The following MYO1E variants were observed in gnomAD, a reference collection of about 807,000 sequenced individuals.
The protein encoded by MYO1E is myosin IE, also known as unconventional myosin-Ie.
Under a neutral mutation model 151.1 loss-of-function variants are expected in MYO1E, and 68 were observed. The observed-to-expected ratio is 0.45, with a 90% confidence interval of 0.37 to 0.55. MYO1E has a LOEUF of 0.55. Among genes scored for constraint, MYO1E ranks in the 20% least tolerant of loss-of-function variants. The pLI, the probability that MYO1E is intolerant of heterozygous loss-of-function variation, is 0.00. For synonymous variants in MYO1E, 601 were observed against 501.7 expected (o/e 1.20, Z -2.64); for missense variants, 1,363 against 1,389.3 (o/e 0.98, Z 0.30).
chr15:59,296,379 AT>A (rs1291439510), intron 1 of MYO1E, among the ~76,000 whole-genome samples: 5 of 152,224 alleles, frequency 3.3e-5, no homozygotes, highest in Non-Finnish European at 5.9e-5. Context: ...TGTGTGCAAC[AT>A]TACAAACCAA....
chr15:59,285,165 C>G lies in MYO1E; in HGVS notation c.4-12716G>C, dbSNP rs140700365. 7.4e-4 allele frequency among the ~76,000 whole-genome samples: 113 copies of G among 152,286 alleles called. 1 individual carries two copies. The highest frequency in any genetic ancestry group is 3.4e-3 in the Middle Eastern group (1 of 294). ...AAATCAACAGACTTGGGTACAAGCT[C>G]TACCTCTCACATGCCTCTGTGCCTT... On this transcript the variant is annotated intron_variant, in intron 1 of 27. Transcript: ENST00000288235.
chr15:59,146,312 T>C (rs1414927267), intron 26 of MYO1E, among the ~76,000 whole-genome samples: 3 of 151,044 alleles, frequency 2.0e-5, no homozygotes, highest in Non-Finnish European at 4.4e-5. Flanking sequence ...AATGGTTGTT[T>C]TTTGTTTTGT....
At chr15:59,148,932 C>T (rs936289292) in intron 26 of MYO1E, among the ~76,000 whole-genome samples, 19 of 151,922 alleles carry the variant, frequency 1.3e-4, no homozygotes, top group African/African-American at 4.1e-4. Flanking sequence ...GGTTTTAATG[C>T]TTCCAAGAAT....
intron 2 of MYO1E, among the ~76,000 whole-genome samples, chr15:59,266,340 G>C (rs1361500516): frequency 6.6e-6 from 1 of 152,088 alleles, no homozygotes; most frequent in Non-Finnish European, 1.5e-5. Flanking sequence ...ATAAAGATAT[G>C]AAGCTATGAT....
At chr15:59,286,265 A>G (rs1017215554) in intron 1 of MYO1E, among the ~76,000 whole-genome samples, 47 of 152,244 alleles carry the variant, frequency 3.1e-4, no homozygotes, top group Admixed American at 2.7e-3. Flanking sequence ...CGCATTATTT[A>G]TAAGTCATGC....
chr15:59,238,128 A>C (rs1321332920), intron 4 of MYO1E, among the ~76,000 whole-genome samples: 1 of 152,182 alleles, frequency 6.6e-6, no homozygotes, highest in Non-Finnish European at 1.5e-5. Context: ...GAGGTGTCAC[A>C]CTCTTCCAGA....
In MYO1E at chr15:59,263,095, G is replaced by A. The variant is rs1274568869; in HGVS notation, c.148-1586C>T. Among the ~76,000 whole-genome samples the A allele has an allele frequency of 4.6e-5, 7 of 152,186 alleles. No individual in the cohort carries two copies. The South Asian group carries it at 1.2e-3, about 27-fold the overall frequency. On this transcript the variant is annotated intron_variant, in intron 2 of 27. Coordinates refer to ENST00000288235, the MANE Select transcript of MYO1E (RefSeq NM_004998.4). ...TCAATGATCAATTTCAAGGTGTTTA[G>A]AAATTTTACAAATAAATTGTTAAAC...
At chr15:59,338,869 T>G (rs2140427682) in intron 1 of MYO1E, among the ~76,000 whole-genome samples, 1 of 152,348 alleles carries the variant, frequency 6.6e-6, no homozygotes, top group South Asian at 2.1e-4. Context: ...CTGTGGCTCA[T>G]GCCTGTAATC....
intron 14 of MYO1E, chr15:59,208,147 C>T (rs76501863): frequency 0.063 from 88,350 of 1,412,378 alleles, 3,398 homozygotes; most frequent in African/African-American, 0.18. Context: ...GATTATATAA[C>T]GAAATTTTGA....
intron 4 of MYO1E, among the ~76,000 whole-genome samples, chr15:59,251,982 A>T (rs2080167793): frequency 6.6e-6 from 1 of 152,270 alleles, no homozygotes; most frequent in Admixed American, 6.5e-5. Flanking sequence ...CTTTAACAGC[A>T]TTAACAAACT....
chr15:59,218,287 A>G (rs1396390155), intron 9 of MYO1E, 200 bp from the exon 10 acceptor site: 12 of 699,528 alleles, frequency 1.7e-5, no homozygotes, highest in Middle Eastern at 2.3e-4. Flanking sequence ...GTTTTTCCCA[A>G]TTGTTTTATG....
chr15:59,295,137 A>C (rs2080441352), intron 1 of MYO1E, among the ~76,000 whole-genome samples: 1 of 152,274 alleles, frequency 6.6e-6, no homozygotes, highest in Admixed American at 6.5e-5. Context: ...ATGCCTGTTC[A>C]ATGAAGTAAT....
chr15:59,258,284 T>C (rs1596388055), intron 3 of MYO1E, among the ~76,000 whole-genome samples: 1 of 152,074 alleles, frequency 6.6e-6, no homozygotes, highest in African/African-American at 2.4e-5. Flanking sequence ...GAGGTGGAGG[T>C]TGCAGTGAGC....
chr15:59,279,392 T>C (rs1457799033), intron 1 of MYO1E, among the ~76,000 whole-genome samples: 1 of 152,162 alleles, frequency 6.6e-6, no homozygotes, highest in Non-Finnish European at 1.5e-5. Flanking sequence ...GTGTTGTTAA[T>C]GATAAAGCTG....
At chr15:59,330,898 T>C (rs1243762166) in intron 1 of MYO1E, among the ~76,000 whole-genome samples, 5 of 152,084 alleles carry the variant, frequency 3.3e-5, no homozygotes, top group Non-Finnish European at 5.9e-5. Context: ...CCCCTGCAGG[T>C]AGCTGGGACC....
chr15:59,255,522 G>T (rs2080189152), intron 4 of MYO1E, among the ~76,000 whole-genome samples: 1 of 152,128 alleles, frequency 6.6e-6, no homozygotes, highest in African/African-American at 2.4e-5. Context: ...AGTCTCCCTA[G>T]TATCTGGGAT....
intron 4 of MYO1E, among the ~76,000 whole-genome samples, chr15:59,252,351 G>A (rs1020755009): frequency 6.6e-6 from 1 of 152,148 alleles, no homozygotes; most frequent in Non-Finnish European, 1.5e-5. Flanking sequence ...CGGAAGCTGA[G>A]GTAGGCAGAT....
At chr15:59,369,788 G>C (rs2080934403) in intron 1 of MYO1E, among the ~76,000 whole-genome samples, 1 of 152,078 alleles carries the variant, frequency 6.6e-6, no homozygotes, top group Non-Finnish European at 1.5e-5. Context: ...AATGAAAATG[G>C]CTATTTTCCT....
rs1179056708 is a variant in MYO1E at position 59,137,100 on chromosome 15, C to G, written c.*280G>C. ...CAAGGTCTGAGCAGACCTCACTTGT[C>G]CTCTCACCAGGTTTAAATACAATAA... is the stretch of plus-strand genomic sequence containing the variant. On this transcript the variant is annotated 3_prime_UTR_variant, in exon 28 of 28. Coordinates refer to ENST00000288235, the MANE Select transcript of MYO1E (RefSeq NM_004998.4). 4.2e-6 allele frequency: 2 copies of G among 472,386 alleles called. No individual in the cohort carries two copies. Among genetic ancestry groups the G allele is most frequent in the East Asian group, 4.1e-5 (1 of 24,688 alleles). 29.3% of individuals were successfully genotyped at this position (472,386 alleles called of 1,614,324 possible).
Sources: gnomAD v4.1 joint callset for allele counts (sites outside exome capture counted in the v4.1 genomes callset) on GRCh38, gnomAD v4.1.1 for gene constraint, MANE v1.5 for transcripts, NCBI Gene and HGNC (gene_info 2026-07-23, HGNC 2026-07-21) for gene names.